Variants in STAM observed in about 807,000 individuals in gnomAD.
The protein encoded by STAM is signal transducing adaptor molecule.
A neutral mutation model predicts 63.4 loss-of-function variants in STAM; 16 were observed. The ratio of observed to expected loss-of-function variants is 0.25; its 90% CI spans 0.17 to 0.38. The LOEUF is 0.38. Among genes scored for constraint, STAM ranks in the 10% least tolerant of loss-of-function variants. STAM has a pLI of 1.00. For synonymous variants in STAM, 238 were observed against 223.9 expected (o/e 1.06, Z -0.56); for missense variants, 636 against 657.1 (o/e 0.97, Z 0.35).
At chr10:17,704,154 G>A (rs557667197) in intron 9 of STAM, among the ~76,000 whole-genome samples, 3 of 152,196 alleles carry the variant, frequency 2.0e-5, no homozygotes, top group South Asian at 2.1e-4. Flanking sequence ...GTGCAGTGGC[G>A]AGATCATAGC....
chr10:17,669,874 C>CTTTT (rs1390688580), intron 2 of STAM, among the ~76,000 whole-genome samples: 1 of 126,472 alleles, frequency 7.9e-6, no homozygotes, highest in Non-Finnish European at 1.6e-5. Context: ...CCGGCCAATT[C>CTTTT]TTTTCTTTTC....
intron 8 of STAM, among the ~76,000 whole-genome samples, chr10:17,699,372 TG>T (rs1391563308): frequency 3.9e-5 from 6 of 152,204 alleles, no homozygotes; most frequent in Admixed American, 3.3e-4. Context: ...TTTTATGAAT[TG>T]ATTGACCACA....
intron 12 of STAM, among the ~76,000 whole-genome samples, chr10:17,708,188 C>T (rs1158869785): frequency 2.0e-5 from 3 of 152,300 alleles, no homozygotes; most frequent in Admixed American, 6.5e-5. Flanking sequence ...CCATGCCTGG[C>T]GGCTTTAAAT....
intron 8 of STAM, among the ~76,000 whole-genome samples, chr10:17,697,793 A>G (rs1163218641): frequency 2.0e-5 from 3 of 152,170 alleles, no homozygotes; most frequent in African/African-American, 7.2e-5. Flanking sequence ...AAATTTTTAA[A>G]GAGCTTATAT....
At chr10:17,690,091 G>C (rs926913063) in intron 5 of STAM, among the ~76,000 whole-genome samples, 1 of 152,226 alleles carries the variant, frequency 6.6e-6, no homozygotes, top group Non-Finnish European at 1.5e-5. Flanking sequence ...CATTTTTACA[G>C]ATGAGGAAAC....
At chr10:17,685,163 A>G (rs901544977) in intron 4 of STAM, among the ~76,000 whole-genome samples, 1 of 152,304 alleles carries the variant, frequency 6.6e-6, no homozygotes, top group East Asian at 1.9e-4. Context: ...TTTCCATCAT[A>G]CTTTCATCTG....
intron 2 of STAM, among the ~76,000 whole-genome samples, chr10:17,661,181 G>A (rs886298935): frequency 1.3e-5 from 2 of 152,200 alleles, no homozygotes; most frequent in Non-Finnish European, 2.9e-5. Context: ...GGATTAATTG[G>A]TGTGGATATG....
At chr10:17,663,314 G>T (rs563443311) in intron 2 of STAM, among the ~76,000 whole-genome samples, 24 of 151,742 alleles carry the variant, frequency 1.6e-4, no homozygotes, top group Non-Finnish European at 2.2e-4. Flanking sequence ...TTTTTATCCA[G>T]TATCAATAGG....
intron 4 of STAM, 114 bp from the exon 5 acceptor site, chr10:17,687,913 A>G (rs527650426): frequency 2.4e-6 from 2 of 829,444 alleles, no homozygotes; most frequent in East Asian, 2.9e-5. Context: ...GTCTATAGCT[A>G]TGCATAACTT....
chr10:17,656,040 A>G (rs1222267537), intron 1 of STAM, among the ~76,000 whole-genome samples: 2 of 151,754 alleles, frequency 1.3e-5, no homozygotes, highest in Non-Finnish European at 2.9e-5. Context: ...CACGCCTGCA[A>G]TCCCAGCACT....
intron 1 of STAM, among the ~76,000 whole-genome samples, chr10:17,649,084 C>A (rs936800202): frequency 3.9e-5 from 6 of 152,226 alleles, no homozygotes; most frequent in South Asian, 4.1e-4. Context: ...TTCTGAGACG[C>A]TTTACCTAAT....
At chr10:17,679,926 A>G (rs1159877185) in intron 2 of STAM, among the ~76,000 whole-genome samples, 2 of 151,802 alleles carry the variant, frequency 1.3e-5, no homozygotes, top group Non-Finnish European at 2.9e-5. Context: ...GGTTGAGAGT[A>G]ATGTTCCCTC....
chr10:17,655,839 G>C (rs1554822065), intron 1 of STAM, among the ~76,000 whole-genome samples: 1 of 152,058 alleles, frequency 6.6e-6, no homozygotes, highest in East Asian at 1.9e-4. Context: ...CAGCATATCT[G>C]CTCTTTGAAT....
intron 1 of STAM, among the ~76,000 whole-genome samples, chr10:17,651,814 C>A (rs1337827165): frequency 1.3e-5 from 2 of 152,186 alleles, no homozygotes; most frequent in East Asian, 1.9e-4. Context: ...TGAACTGTTA[C>A]ATCTTCGGGC....
rs1833441741 is a variant in STAM, at chr10:17,644,474, A to G, written c.40+95A>G. Reference sequence around the variant, plus strand: ...CATTCAGGACCCTCGGGCCAGGGCCAAGGAAGAGCTCGCTCTTCCCCTTTC... The same window carrying G: ...CATTCAGGACCCTCGGGCCAGGGCCGAGGAAGAGCTCGCTCTTCCCCTTTC... On this transcript the variant is annotated intron_variant, in intron 1 of 13. Transcript: ENST00000377524. 11 of 1,473,920 alleles carry G rather than the reference A, an allele frequency of 7.5e-6. No homozygotes were observed. The South Asian group carries it at 8.1e-5, about 11-fold the overall frequency. The allele number at this position is 1,473,920 out of a possible 1,614,324, so 91.3% of individuals were successfully genotyped here. A position where few individuals can be genotyped will look rare whatever the true frequency, so the allele number is the denominator to read the frequency against.
chr10:17,662,766 T>G, intron 2 of STAM, among the ~76,000 whole-genome samples: 1 of 152,194 alleles, frequency 6.6e-6, no homozygotes, highest in Non-Finnish European at 1.5e-5. Flanking sequence ...GGGGAGTTGT[T>G]GTGACTTTGA....
At chr10:17,668,012 G>A (rs1834467029) in intron 2 of STAM, among the ~76,000 whole-genome samples, 1 of 152,196 alleles carries the variant, frequency 6.6e-6, no homozygotes, top group Non-Finnish European at 1.5e-5. Flanking sequence ...AGGGTTTTCA[G>A]TTATTGGTAA....
chr10:17,673,566 C>T (rs1834726707), intron 2 of STAM, among the ~76,000 whole-genome samples: 1 of 152,112 alleles, frequency 6.6e-6, no homozygotes, highest in African/African-American at 2.4e-5. Flanking sequence ...TATTATGTGC[C>T]AGAGGGCATG....
chr10:17,663,189 T>C (rs1309773605), intron 2 of STAM, among the ~76,000 whole-genome samples: 1 of 152,174 alleles, frequency 6.6e-6, no homozygotes, highest in South Asian at 2.1e-4. Flanking sequence ...AATTTGTTTT[T>C]CTTAATGTTA....
Sources: gnomAD v4.1 joint callset for allele counts (sites outside exome capture counted in the v4.1 genomes callset) on GRCh38, gnomAD v4.1.1 for gene constraint, MANE v1.5 for transcripts, NCBI Gene and HGNC (gene_info 2026-07-23, HGNC 2026-07-21) for gene names.